Variants in LTB observed in about 807,000 individuals in gnomAD.
LTB encodes the protein lymphotoxin beta, also known as lymphotoxin-beta.
In LTB, 17 loss-of-function variants were observed where a neutral mutation model predicts 14.7. That is an observed-to-expected ratio of 1.16 (90% CI 0.79 to 1.73). The LOEUF (loss-of-function observed/expected upper bound fraction) is 1.73, where lower values mean the gene tolerates loss of function less well. LTB is among the 40% of genes most tolerant of loss of function. The probability of loss-of-function intolerance (pLI) is 0.00; values close to 1 mark genes in which losing one functional copy is unlikely to be tolerated. For missense variants in LTB, 288 were observed against 324.3 expected (o/e 0.89, Z 0.86); for synonymous variants, 163 against 157.3 (o/e 1.04, Z -0.27).
intron 1 of LTB, 78 bp from the exon 2 acceptor site, chr6:31,581,937 C>G (rs1771562669): frequency 1.4e-6 from 2 of 1,429,296 alleles, no homozygotes; most frequent in Non-Finnish European, 1.9e-6. Flanking sequence ...TGGACCCAAG[C>G]TGCAGGCCTG....
chr6:31,581,951 T>C, intron 1 of LTB, 92 bp from the exon 2 acceptor site: 1 of 1,303,248 alleles, frequency 7.7e-7, no homozygotes, highest in Non-Finnish European at 1.1e-6. Context: ...AGGCCTGGGG[T>C]TTCTCCTACC....
rs968524190 is a variant in LTB at position 31,582,245 on chromosome 6, C to A, written c.162+11G>T. ...TACAACTCTCCACCAGGGCCTGTTG[C>A]AGCCACTCACCAGTCCTCCCTGATC... is the stretch of plus-strand genomic sequence containing the variant. On this transcript the variant is annotated intron_variant, in intron 1 of 3. Coordinates refer to ENST00000429299, the MANE Select transcript of LTB (RefSeq NM_002341.2). 2 of 1,612,472 alleles carry A rather than the reference C, an allele frequency of 1.2e-6. No individual in the cohort carries two copies. Among genetic ancestry groups the A allele is most frequent in the Non-Finnish European group, 1.7e-6 (2 of 1,179,566 alleles).
rs543043879 is a variant in LTB at position 31,581,795 on chromosome 6, A to G, written c.208+19T>C. On this transcript the variant is annotated intron_variant, in intron 2 of 3. Coordinates refer to ENST00000429299, the MANE Select transcript of LTB (RefSeq NM_002341.2). ...CCCTGAGGGTCTGAAGCGGGGAAGGAGAGACAGTCTGCTCTTACCCAGTCC... is the reference window on the plus strand; with the variant it reads ...CCCTGAGGGTCTGAAGCGGGGAAGGGGAGACAGTCTGCTCTTACCCAGTCC... The G allele has an allele frequency of 1.2e-6, 2 of 1,612,322 alleles. No homozygotes were observed. Among genetic ancestry groups the G allele is most frequent in the East Asian group, 2.2e-5 (1 of 44,876 alleles).
intron 1 of LTB, 180 bp from the exon 2 acceptor site, chr6:31,582,039 C>T: frequency 2.6e-6 from 2 of 769,400 alleles, no homozygotes; most frequent in East Asian, 2.6e-5. Context: ...AACAGATGTA[C>T]CTCGGGAAGA....
rs781235062 is a variant in LTB at position 31,582,283 on chromosome 6, G to A, written c.135C>T (p.Ala45=). The A allele has an allele frequency of 9.9e-6, 16 of 1,612,890 alleles. No individual in the cohort carries two copies. The highest frequency in any genetic ancestry group is 1.4e-5 in the Non-Finnish European group (16 of 1,180,006). The change falls in exon 1 of 4, where the codon GCC becomes GCT. Residue 45 remains alanine, a synonymous_variant. Transcript: ENST00000429299. ...GTCCTCCCTGATCCTGGGGCACTAA[G>A]GCCAGCACAGCCAGGACAGTGATAG... ...AVPITVLAVL[A]LVPQDQGGLV... is the part of the protein sequence containing the mutation.
chr6:31,581,977 A>G (rs1771567693), intron 1 of LTB, 118 bp from the exon 2 acceptor site: 3 of 1,028,030 alleles, frequency 2.9e-6, no homozygotes, highest in Non-Finnish European at 4.3e-6. Context: ...CATCCCCAAC[A>G]CACACCTCCT....
intron 2 of LTB, 44 bp from the exon 3 acceptor site, chr6:31,581,674 C>A: frequency 6.2e-7 from 1 of 1,602,930 alleles, no homozygotes; most frequent in Non-Finnish European, 8.5e-7. Flanking sequence ...GGGCAGCCAC[C>A]CATGCAGGCT....
chr6:31,580,797 C>G lies in LTB; in HGVS notation c.647G>C (p.Gly216Ala). The change falls in exon 4 of 4, where the codon GGC becomes GCC. Residue 216 changes from glycine to alanine, a missense_variant. Physicochemically the swap from Gly to Ala is moderately conservative, Grantham distance 60 (BLOSUM62 0). Transcript: ENST00000429299. This position sits in a 1 kb window ranked among gnomAD's most constrained non-coding sequence, Gnocchi z 6.6. ...GFGGLVQLRR[G>A]ERVYVNISHP... The stretch of plus-strand genomic sequence containing the variant: ...ACTGATGTTGACGTACACCCTCTCG[C>G]CCCTCCGGAGCTGCACCAGGCCGCC... 6.2e-7 allele frequency: 1 copy of G among 1,613,040 alleles called. No homozygotes were observed. The highest frequency in any genetic ancestry group is 8.5e-7 in the Non-Finnish European group (1 of 1,180,002).
chr6:31,581,821 T>C lies in LTB; in HGVS notation c.201A>G (p.Gln67=). 1.2e-6 allele frequency: 2 copies of C among 1,607,992 alleles called. No homozygotes were observed. The highest frequency in any genetic ancestry group is 1.7e-6 in the Non-Finnish European group (2 of 1,177,920). The part of the protein sequence containing the change: ...ETADPGAQAQ[Q]GLGFQKLPEE... ...GAGACAGTCTGCTCTTACCCAGTCCTTGCTGGGCCTGTGCCCCGGGGTCGG... is the reference window on the plus strand; with the variant it reads ...GAGACAGTCTGCTCTTACCCAGTCCCTGCTGGGCCTGTGCCCCGGGGTCGG... Residue 67 remains glutamine (Q), a synonymous_variant, in exon 2 of 4, where the codon CAA becomes CAG. Transcript: ENST00000429299.
chr6:31,580,919 G>A lies in LTB; in HGVS notation c.525C>T (p.Pro175=), dbSNP rs1257233193. ...RAGGAYGPGT[P]ELLLEGAETV... ...TCTCGGCGCCCTCGAGCAGCAGCTC[G>A]GGAGTGCCCGGCCCGTAGGCGCCCC... The change falls in exon 4 of 4, where the codon CCC becomes CCT. Residue 175 remains proline (P), a synonymous_variant. Coordinates refer to ENST00000429299, the MANE Select transcript of LTB (RefSeq NM_002341.2). The surrounding 1 kb of genome is among the most constrained non-coding windows in gnomAD (Gnocchi z 6.6). 4.4e-6 allele frequency: 7 copies of A among 1,586,544 alleles called. No individual in the cohort carries two copies. In the Admixed American group the frequency reaches 5.4e-5, roughly 12 times the overall value.
rs766109943 is a variant in LTB, at chr6:31,580,822, C to T, written c.622G>A (p.Gly208Ser). ...GPLWYTSVGF[G>S]GLVQLRRGER... ...CCCCTCCGGAGCTGCACCAGGCCGC[C>T]GAACCCCACGCTCGTGTACCAGAGA... The change falls in exon 4 of 4, where the codon GGC becomes AGC. Residue 208 changes from glycine to serine, a missense_variant. Coordinates refer to ENST00000429299, the MANE Select transcript of LTB (RefSeq NM_002341.2). The surrounding 1 kb of genome is among the most constrained non-coding windows in gnomAD (Gnocchi z 6.6). 2 of 1,612,718 alleles carry T rather than the reference C, an allele frequency of 1.2e-6. No individual in the cohort carries two copies. The highest frequency in any genetic ancestry group is 1.1e-5 in the South Asian group (1 of 91,022).
rs556454123 is a variant in LTB, at chr6:31,581,857, T to C, written c.165A>G (p.Val55=). ...GTGCCCCGGGGTCGGCCGTCTCCGT[T>C]ACCTGGTTGGGTGGGGTCACAGTGC... ...ALVPQDQGGL[V]TETADPGAQA... Residue 55 remains valine (V), a splice_region_variant and synonymous_variant, in exon 2 of 4, where the codon GTA becomes GTG. Transcript: ENST00000429299. 4 of 1,592,026 alleles carry C rather than the reference T, an allele frequency of 2.5e-6. No homozygotes were observed. The highest frequency in any genetic ancestry group is 1.8e-5 in the Admixed American group (1 of 56,394).
intron 2 of LTB, 38 bp from the exon 3 acceptor site, chr6:31,581,668 A>G: frequency 6.2e-7 from 1 of 1,605,072 alleles, no homozygotes. Flanking sequence ...GGGGCAGGGC[A>G]GCCACCCATG....
In LTB at chr6:31,581,074, C is replaced by T. The variant is rs1410106686; in HGVS notation, c.370G>A (p.Gly124Arg). ...TSGTQFSDAE[G>R]LALPQDGLYY... Reference sequence around the variant, plus strand: ...AGGCCGTCCTGCGGGAGCGCCAGCCCCTCGGCGTCCGAGAACTGCGTCCCG... The same window carrying T: ...AGGCCGTCCTGCGGGAGCGCCAGCCTCTCGGCGTCCGAGAACTGCGTCCCG... The change falls in exon 4 of 4, where the codon GGG becomes AGG. Residue 124 changes from glycine to arginine, a missense_variant. Gly to Arg is a moderately radical substitution (Grantham distance 125). Transcript: ENST00000429299. The T allele has an allele frequency of 1.2e-6, 2 of 1,610,992 alleles. No homozygotes were observed. The highest frequency in any genetic ancestry group is 8.5e-7 in the Non-Finnish European group (1 of 1,179,044).
At position 31,581,566 on chromosome 6, in the gene LTB, GTGGGCAGC is replaced by G. The variant is rs1771511756; in HGVS notation, c.265_272del (p.Ala89ProfsTer?). On this transcript the variant is annotated frameshift_variant, in exon 3 of 4. Coordinates refer to ENST00000429299, the MANE Select transcript of LTB (RefSeq NM_002341.2). LOFTEE classifies it low-confidence loss of function (END_TRUNC). ...GGTCTTGGAGGTCCTTACCTATGAGGTGGGCAGCTGGGAGCCCGGGGCTGAGATCTGTT... is the reference window on the plus strand; with the variant it reads ...GGTCTTGGAGGTCCTTACCTATGAGGTGGGAGCCCGGGGCTGAGATCTGTT... 1 of 1,612,798 alleles carries G rather than the reference GTGGGCAGC, an allele frequency of 6.2e-7. No individual in the cohort carries two copies. Among genetic ancestry groups the G allele is most frequent in the Admixed American group, 1.7e-5 (1 of 59,996 alleles).
At position 31,580,836 on chromosome 6, in the gene LTB, G is replaced by A; in HGVS notation, c.608C>T (p.Thr203Met). 1 of 1,612,132 alleles carries A rather than the reference G, an allele frequency of 6.2e-7. No homozygotes were observed. Among genetic ancestry groups the A allele is most frequent in the Non-Finnish European group, 8.5e-7 (1 of 1,179,614 alleles). Residue 203 changes from threonine to methionine, a missense_variant, in exon 4 of 4, where the codon ACG becomes ATG. Thr to Met is a moderately conservative substitution (Grantham distance 81). Transcript: ENST00000429299. The surrounding 1 kb of genome is among the most constrained non-coding windows in gnomAD (Gnocchi z 6.6). ...CACCAGGCCGCCGAACCCCACGCTC[G>A]TGTACCAGAGAGGCCCGTACCCTTG... ...RRQGYGPLWYTSVGFGGLVQL... is the reference protein window; with the variant it reads ...RRQGYGPLWYMSVGFGGLVQL...
Position 31,580,991 on chromosome 6 carries a change from G to T in LTB, c.453C>A (p.Asp151Glu). The change falls in exon 4 of 4, where the codon GAC becomes GAA. Residue 151 changes from aspartate (D) to glutamate (E), a missense_variant. Asp to Glu is a conservative substitution (Grantham distance 45, BLOSUM62 2). Around this residue, in one of 2 missense-constraint regions of LTB, gnomAD observed 284 missense variants for 299.2 expected, o/e 0.95. Transcript: ENST00000429299. This position sits in a 1 kb window ranked among gnomAD's most constrained non-coding sequence, Gnocchi z 6.6. ...YRGRAPPGGGDPQGRSVTLRS... is the reference protein window; with the variant it reads ...YRGRAPPGGGEPQGRSVTLRS... The stretch of plus-strand genomic sequence containing the variant: ...GCAGCGTGACCGAGCGGCCCTGGGG[G>T]TCCCCGCCGCCAGGGGGCGCCCGGC... The T allele has an allele frequency of 6.4e-7, 1 of 1,564,438 alleles. No individual in the cohort carries two copies. The highest frequency in any genetic ancestry group is 1.2e-5 in the South Asian group (1 of 86,426).
Position 31,580,966 on chromosome 6 carries a change from G to C in LTB, c.478C>G (p.Arg160Gly). Residue 160 changes from arginine to glycine, a missense_variant, in exon 4 of 4, where the codon CGC (arginine) becomes GGC (glycine). This residue lies in a region of LTB where 284 missense variants were observed against 299.2 expected (regional missense o/e 0.95). Transcript: ENST00000429299. This position sits in a 1 kb window ranked among gnomAD's most constrained non-coding sequence, Gnocchi z 6.6. ...CCCCCCGCCCGGTACAGAGAGCTGC[G>C]CAGCGTGACCGAGCGGCCCTGGGGG... Reference protein sequence around the residue: ...GDPQGRSVTLRSSLYRAGGAY... With the variant: ...GDPQGRSVTLGSSLYRAGGAY... 1 of 1,567,212 alleles carries C rather than the reference G, an allele frequency of 6.4e-7. No homozygotes were observed. Among genetic ancestry groups the C allele is most frequent in the Non-Finnish European group, 8.6e-7 (1 of 1,156,624 alleles).
intron 2 of LTB, 68 bp from the exon 3 acceptor site, chr6:31,581,698 C>A: frequency 6.3e-7 from 1 of 1,596,502 alleles, no homozygotes; most frequent in South Asian, 1.1e-5. Flanking sequence ...CTTGAGAGAA[C>A]AGGGCGCAGG....
Sources: allele counts gnomAD v4.1 joint callset, GRCh38; gene constraint gnomAD v4.1.1; regional missense constraint gnomAD v4.1.1; non-coding constraint Gnocchi (gnomAD v3.1); transcripts MANE v1.5; gene names NCBI Gene and HGNC (gene_info 2026-07-23, HGNC 2026-07-21).